Variants in ANKRD35 observed in about 807,000 individuals in gnomAD.
The protein encoded by ANKRD35 is ankyrin repeat domain 35, also known as ankyrin repeat domain-containing protein 35.
A neutral mutation model predicts 109.9 loss-of-function variants in ANKRD35; 102 were observed. The ratio of observed to expected loss-of-function variants is 0.93; its 90% CI spans 0.79 to 1.09. ANKRD35 has a LOEUF of 1.09. Among genes scored for constraint, ANKRD35 ranks in the 50% least tolerant of loss-of-function variants. ANKRD35 has a pLI of 0.00. For missense variants in ANKRD35, 1,240 were observed against 1,230.1 expected, an observed-to-expected ratio of 1.01 and a Z score of -0.12; for synonymous variants, 515 against 512.4, an observed-to-expected ratio of 1.01 and a Z score of -0.07.
At position 145,874,882 on chromosome 1, in the gene ANKRD35, TGTGCAGAGCATA is replaced by T. The variant is rs782024508; in HGVS notation, c.673_684del (p.Tyr225_His228del). 1.8e-5 allele frequency: 29 copies of T among 1,613,246 alleles called. No individual in the cohort carries two copies. In the East Asian group the frequency reaches 3.1e-4, roughly 17 times the overall value. The stretch of plus-strand genomic sequence containing the variant: ...TGCCTCCACAGTGCCTTGTCTTGTG[TGTGCAGAGCATA>T]GTGCAGAGCATCATGCCCTGTGCTG... On this transcript the variant is annotated inframe_deletion, in exon 8 of 14. Transcript: ENST00000355594.
Position 145,867,274 on chromosome 1 carries a change from A to C in ANKRD35, c.*43+13T>G, listed in dbSNP as rs1570790052. On this transcript the variant is annotated intron_variant, in intron 13 of 13. Coordinates refer to ENST00000355594, the MANE Select transcript of ANKRD35 (RefSeq NM_144698.5). Reference sequence around the variant, plus strand: ...CAAACTCCTTCCCTCATCACCCTTAACCCACAACTCACAACAGAGAATCTC... The same window carrying C: ...CAAACTCCTTCCCTCATCACCCTTACCCCACAACTCACAACAGAGAATCTC... 1 of 1,551,066 alleles carries C rather than the reference A, an allele frequency of 6.4e-7. No individual in the cohort carries two copies. The highest frequency in any genetic ancestry group is 2.2e-5 in the East Asian group (1 of 44,504).
intron 1 of ANKRD35, among the ~76,000 whole-genome samples, chr1:145,879,667 A>T (rs1454727863): frequency 1.3e-5 from 2 of 152,098 alleles, no homozygotes; most frequent in East Asian, 3.9e-4. Context: ...AATGCACAGT[A>T]TTTCAAATGT....
chr1:145,872,285 C>T lies in ANKRD35; in HGVS notation c.2484G>A (p.Glu828=), dbSNP rs1227570705. 2.5e-6 allele frequency: 4 copies of T among 1,612,264 alleles called. No homozygotes were observed. Among genetic ancestry groups the T allele is most frequent in the South Asian group, 1.1e-5 (1 of 90,820 alleles). Reference sequence around the variant, plus strand: ...TCTCGTGTTGCCGTAGGCTGGCTGCCTCCCGGGCCCTTAGCTCAGCCACTT... The same window carrying T: ...TCTCGTGTTGCCGTAGGCTGGCTGCTTCCCGGGCCCTTAGCTCAGCCACTT... ...TEEVAELRAR[E]AASLRQHEKT... Residue 828 remains glutamate (E), a synonymous_variant, in exon 10 of 14, where the codon GAG becomes GAA. Transcript: ENST00000355594.
At chr1:145,884,728 C>T (rs1654416664) in intron 1 of ANKRD35, among the ~76,000 whole-genome samples, 2 of 11,792 alleles carry the variant, frequency 1.7e-4, no homozygotes, top group Admixed American at 1.2e-3. Context: ...TCATCACTTT[C>T]CCCCACCTCA....
chr1:145,876,417 T>C, intron 6 of ANKRD35, 152 bp downstream of exon 6: 1 of 1,114,354 alleles, frequency 9.0e-7, no homozygotes, highest in Non-Finnish European at 1.3e-6. Flanking sequence ...AGGCTTAACC[T>C]CTCTGTGAGG....
At chr1:145,871,168 T>C (rs1344543189) in intron 10 of ANKRD35, among the ~76,000 whole-genome samples, 8 of 123,080 alleles carry the variant, frequency 6.5e-5, no homozygotes, top group African/African-American at 1.8e-4. Flanking sequence ...TTTTTTTTTT[T>C]TTTTTTTTTT....
chr1:145,867,853 G>C, intron 12 of ANKRD35, 138 bp downstream of exon 12: 1 of 767,714 alleles, frequency 1.3e-6, no homozygotes, highest in Non-Finnish European at 2.2e-6. Flanking sequence ...AATGAGATCA[G>C]AGACCTAGCA....
Position 145,872,942 on chromosome 1 carries a change from T to G in ANKRD35, c.1827A>C (p.Ala609=). 6.2e-7 allele frequency: 1 copy of G among 1,611,470 alleles called. No individual in the cohort carries two copies. The highest frequency in any genetic ancestry group is 8.5e-7 in the Non-Finnish European group (1 of 1,178,260). ...LGGEKALGGL[A]KGQLEKEMSV... ...ACATCTCCTTCTCCAGCTGTCCCTTTGCCAGGCCTCCTAGGGCCTTTTCCC... is the reference window on the plus strand; with the variant it reads ...ACATCTCCTTCTCCAGCTGTCCCTTGGCCAGGCCTCCTAGGGCCTTTTCCC... Residue 609 remains alanine, a synonymous_variant, in exon 10 of 14, where the codon GCA becomes GCC. Transcript: ENST00000355594.
At chr1:145,879,212 A>G (rs782720226) in intron 2 of ANKRD35, 46 bp downstream of exon 2, 1 of 1,519,268 alleles carries the variant, frequency 6.6e-7, no homozygotes, top group Admixed American at 2.0e-5. Context: ...TGGGGGCTTC[A>G]AAAGGGAGCC....
Position 145,873,538 on chromosome 1 carries a change from TTCC to T in ANKRD35, c.1228_1230del (p.Gly410del). ...CTTCCATGGACTTCATACTGGATCTTTCCTGGGGCTGAGTCCTCAGCCTTCTTT... is the reference window on the plus strand; with the variant it reads ...CTTCCATGGACTTCATACTGGATCTTTGGGGCTGAGTCCTCAGCCTTCTTT... On this transcript the variant is annotated inframe_deletion, in exon 10 of 14. Coordinates refer to ENST00000355594, the MANE Select transcript of ANKRD35 (RefSeq NM_144698.5). The T allele has an allele frequency of 6.8e-6, 11 of 1,614,138 alleles. No homozygotes were observed. Among genetic ancestry groups the T allele is most frequent in the Non-Finnish European group, 9.3e-6 (11 of 1,180,040 alleles).
At position 145,873,134 on chromosome 1, in the gene ANKRD35, C is replaced by G; in HGVS notation, c.1635G>C (p.Leu545=). ...CTGCCTTTGCCCATTCCAGCCTTGC[C>G]AGCACCCGCTCCAGTCGGGCTTCCA... ...EKMEARLERV[L]ARLEWAKAGL... The change falls in exon 10 of 14, where the codon CTG becomes CTC. Residue 545 remains leucine (L), a synonymous_variant. Transcript: ENST00000355594. 6.2e-7 allele frequency: 1 copy of G among 1,614,084 alleles called. No homozygotes were observed. The highest frequency in any genetic ancestry group is 8.5e-7 in the Non-Finnish European group (1 of 1,180,024).
In ANKRD35 at chr1:145,876,881, T is replaced by C. The variant is rs782360741; in HGVS notation, c.325-8A>G. ...ATCTTCATTAGCACCATGCTGCAAA[T>C]GGCCACAAAGGGAAGCAGCATGGAG... On this transcript the variant is annotated splice_polypyrimidine_tract_variant and splice_region_variant and intron_variant, in intron 4 of 13. Transcript: ENST00000355594. The C allele has an allele frequency of 6.2e-7, 1 of 1,614,006 alleles. No individual in the cohort carries two copies. The highest frequency in any genetic ancestry group is 2.2e-5 in the East Asian group (1 of 44,874).
At position 145,867,321 on chromosome 1, in the gene ANKRD35, G is replaced by A; in HGVS notation, c.*9C>T. The A allele has an allele frequency of 6.2e-7, 1 of 1,613,378 alleles. No individual in the cohort carries two copies. The highest frequency in any genetic ancestry group is 8.5e-7 in the Non-Finnish European group (1 of 1,179,472). ...TCTCGTATCCCTGAGGGCACACAGTGAGGCTGCCTCACTCCTCTTCCATGC... is the reference window on the plus strand; with the variant it reads ...TCTCGTATCCCTGAGGGCACACAGTAAGGCTGCCTCACTCCTCTTCCATGC... On this transcript the variant is annotated 3_prime_UTR_variant, in exon 13 of 14. Coordinates refer to ENST00000355594, the MANE Select transcript of ANKRD35 (RefSeq NM_144698.5).
intron 6 of ANKRD35, 138 bp from the exon 7 acceptor site, chr1:145,876,384 G>T: frequency 1.8e-6 from 2 of 1,102,016 alleles, no homozygotes; most frequent in Admixed American, 4.2e-5. Context: ...CCTTTTGGAG[G>T]GTTAGAAGCT....
At chr1:145,881,747 C>T (rs1355155453) in intron 1 of ANKRD35, among the ~76,000 whole-genome samples, 1 of 152,086 alleles carries the variant, frequency 6.6e-6, no homozygotes, top group East Asian at 1.9e-4. Context: ...CTATAACAAC[C>T]TATAAGGCAT....
rs782696701 is a variant in ANKRD35, at chr1:145,873,787, C to A, written c.982G>T (p.Ala328Ser). The change falls in exon 10 of 14, where the codon GCA (alanine) becomes TCA (serine). Residue 328 changes from alanine to serine, a missense_variant. By Grantham distance (99) the Ala-to-Ser change is moderately conservative. Coordinates refer to ENST00000355594, the MANE Select transcript of ANKRD35 (RefSeq NM_144698.5). ...TGGTTCTCAAGGTCCAGATAGGCTG[C>A]AGCTTGAGTCTTACACTCTTCTGTC... is the stretch of plus-strand genomic sequence containing the variant. ...QKTEECKTQA[A>S]AYLDLENQIR... The A allele has an allele frequency of 2.5e-6, 4 of 1,609,796 alleles. No homozygotes were observed. The South Asian group carries it at 3.3e-5, about 13-fold the overall frequency.
chr1:145,883,828 C>G (rs73006866), intron 1 of ANKRD35, among the ~76,000 whole-genome samples: 7,897 of 152,246 alleles, frequency 0.052, 688 homozygotes, highest in African/African-American at 0.17. Flanking sequence ...GCTGAAACTG[C>G]CCTATTTGCA....
chr1:145,873,908 C>T lies in ANKRD35; in HGVS notation c.861G>A (p.Glu287=). 6.2e-7 allele frequency: 1 copy of T among 1,614,218 alleles called. No homozygotes were observed. Among genetic ancestry groups the T allele is most frequent in the South Asian group, 1.1e-5 (1 of 91,074 alleles). The change falls in exon 10 of 14, where the codon GAG becomes GAA. Residue 287 remains glutamate (E), a synonymous_variant. Coordinates refer to ENST00000355594, the MANE Select transcript of ANKRD35 (RefSeq NM_144698.5). ...CCGAGCACGGGTCTTCATCCTCCTTCTCCTCTTGCTCCTCTTCAGGCTCTG... is the reference window on the plus strand; with the variant it reads ...CCGAGCACGGGTCTTCATCCTCCTTTTCCTCTTGCTCCTCTTCAGGCTCTG... ...WRAEPEEEQE[E]KEDEDPCSEE...
chr1:145,875,149 C>T (rs75090761), intron 7 of ANKRD35, 143 bp from the exon 8 acceptor site: 27 of 530,704 alleles, frequency 5.1e-5, no homozygotes, highest in South Asian at 1.4e-4. Flanking sequence ...CTAGACTTCT[C>T]TTTTTTTTTT....
Sources: allele counts gnomAD v4.1 joint callset (sites outside exome capture counted in the v4.1 genomes callset), GRCh38; gene constraint gnomAD v4.1.1; transcripts MANE v1.5; gene names NCBI Gene and HGNC (gene_info 2026-07-23, HGNC 2026-07-21).